Variants in TRPM1 observed in about 807,000 individuals in gnomAD.
The protein encoded by TRPM1 is transient receptor potential cation channel subfamily M member 1.
Under a neutral mutation model 149.4 loss-of-function variants are expected in TRPM1, and 113 were observed. That is an observed-to-expected ratio of 0.76 (90% CI 0.65 to 0.88). The LOEUF (loss-of-function observed/expected upper bound fraction) is 0.88. TRPM1 is among the 40% of genes least tolerant of loss of function. The pLI is 0.00. For synonymous variants in TRPM1, 741 were observed against 759.5 expected, an observed-to-expected ratio of 0.98 and a Z score of 0.40; for missense variants, 1,976 against 2,038.7, an observed-to-expected ratio of 0.97 and a Z score of 0.59.
At chr15:31,084,247 C>A (rs961024534) in intron 1 of TRPM1, among the ~76,000 whole-genome samples, 1 of 152,170 alleles carries the variant, frequency 6.6e-6, no homozygotes, top group African/African-American at 2.4e-5. Context: ...TTAAAGTCTG[C>A]AGTTCAGTGT....
At chr15:31,025,865 C>A (rs751349316) in intron 27 of TRPM1, among the ~76,000 whole-genome samples, 1 of 152,244 alleles carries the variant, frequency 6.6e-6, no homozygotes, top group Non-Finnish European at 1.5e-5. Flanking sequence ...TGCGGAAACA[C>A]CCCCACTTTG....
chr15:31,055,749 C>T (rs185492497), intron 11 of TRPM1, among the ~76,000 whole-genome samples: 7 of 152,300 alleles, frequency 4.6e-5, no homozygotes, highest in Non-Finnish European at 1.0e-4. Context: ...CCTGGGCAGT[C>T]CTCCCAGGGA....
chr15:31,107,814 T>C (rs2035628548), intron 1 of TRPM1, among the ~76,000 whole-genome samples: 1 of 152,056 alleles, frequency 6.6e-6, no homozygotes, highest in Non-Finnish European at 1.5e-5. Flanking sequence ...CTTAGAAGTA[T>C]GTAATTTAAT....
At chr15:31,121,772 C>A (rs1163105130) in intron 1 of TRPM1, among the ~76,000 whole-genome samples, 1 of 152,178 alleles carries the variant, frequency 6.6e-6, no homozygotes, top group Admixed American at 6.5e-5. Flanking sequence ...TCTCCACCAT[C>A]TTTTCCACAA....
Position 31,002,231 on chromosome 15 carries a change from G to T in TRPM1, c.4469C>A (p.Thr1490Lys). 6 of 1,614,192 alleles carry T rather than the reference G, an allele frequency of 3.7e-6. No individual in the cohort carries two copies. The Middle Eastern group carries it at 8.2e-4, about 222-fold the overall frequency. ...YSSITDQQLT[T>K]EWQCQVQKIT... is the part of the protein sequence containing the mutation. ...CTTTTGAACTTGGCATTGCCATTCC[G>T]TCGTCAATTGCTGGTCCGTGATTGA... The change falls in exon 28 of 28, where the codon ACG (threonine) becomes AAG (lysine). Residue 1490 changes from threonine to lysine, a missense_variant. Coordinates refer to ENST00000256552, the MANE Select transcript of TRPM1 (RefSeq NM_001252024.2).
intron 1 of TRPM1, among the ~76,000 whole-genome samples, chr15:31,131,801 C>T (rs2036019138): frequency 6.6e-6 from 1 of 152,136 alleles, no homozygotes; most frequent in South Asian, 2.1e-4. Flanking sequence ...GCTGTTTTCA[C>T]ACTTCCAGCA....
chr15:31,152,860 C>G (rs2036322039), intron 1 of TRPM1, among the ~76,000 whole-genome samples: 1 of 152,142 alleles, frequency 6.6e-6, no homozygotes, highest in Admixed American at 6.5e-5. Context: ...CCAGGCTGGT[C>G]TTGAACTCCT....
At chr15:31,126,273 A>G (rs1310917884) in intron 1 of TRPM1, among the ~76,000 whole-genome samples, 2 of 152,270 alleles carry the variant, frequency 1.3e-5, no homozygotes, top group Non-Finnish European at 2.9e-5. Flanking sequence ...TAACAAATTC[A>G]AGAAGGATAC....
At chr15:31,145,183 C>T (rs956979825) in intron 1 of TRPM1, among the ~76,000 whole-genome samples, 5 of 152,136 alleles carry the variant, frequency 3.3e-5, no homozygotes, top group Non-Finnish European at 7.4e-5. Flanking sequence ...CTCAAGGGAA[C>T]GTCTCATGCC....
chr15:31,059,759 T>G (rs2034174938), intron 11 of TRPM1, among the ~76,000 whole-genome samples: 1 of 152,188 alleles, frequency 6.6e-6, no homozygotes, highest in Non-Finnish European at 1.5e-5. Flanking sequence ...TCCTACTACC[T>G]TTCATAAGCA....
chr15:31,049,262 G>T (rs748979561), intron 13 of TRPM1, 113 bp downstream of exon 13: 35 of 1,504,368 alleles, frequency 2.3e-5, no homozygotes, highest in Non-Finnish European at 2.9e-5. Flanking sequence ...CATTAAGTAC[G>T]GACCTCCCAG....
At chr15:31,012,903 G>C (rs1206005357) in intron 27 of TRPM1, among the ~76,000 whole-genome samples, 1 of 151,112 alleles carries the variant, frequency 6.6e-6, no homozygotes, top group Admixed American at 6.6e-5. Context: ...GGCCTCTAGA[G>C]TGAATTTTTC....
intron 1 of TRPM1, among the ~76,000 whole-genome samples, chr15:31,097,822 A>G (rs1290160910): frequency 6.6e-6 from 1 of 152,190 alleles, no homozygotes; most frequent in Non-Finnish European, 1.5e-5. Context: ...AGATGTGGCC[A>G]GGGTGAATGG....
chr15:31,104,639 G>GCCGGA, upstream of TRPM1, among the ~76,000 whole-genome samples: 1 of 143,178 alleles, frequency 7.0e-6, no homozygotes, highest in African/African-American at 2.6e-5. Context: ...TGTTGCCCAG[G>GCCGGA]CTGGAGTGCA....
intron 27 of TRPM1, 101 bp from the exon 28 acceptor site, chr15:31,003,171 C>T (rs2031857995): frequency 1.4e-5 from 14 of 1,034,668 alleles, no homozygotes; most frequent in Non-Finnish European, 1.9e-5. Flanking sequence ...AATTTTAATA[C>T]ATATGGAACT....
chr15:31,039,823 A>G (rs1472314028), intron 18 of TRPM1, among the ~76,000 whole-genome samples: 1 of 151,910 alleles, frequency 6.6e-6, no homozygotes, highest in Non-Finnish European at 1.5e-5. Flanking sequence ...CCATTAGGAG[A>G]CTCTGACTGT....
chr15:31,113,724 T>C (rs2035751129), intron 1 of TRPM1, among the ~76,000 whole-genome samples: 1 of 152,176 alleles, frequency 6.6e-6, no homozygotes, highest in African/African-American at 2.4e-5. Flanking sequence ...GGATTTCTGG[T>C]CCCACCGCCT....
chr15:31,087,183 AAC>A (rs1482070064), intron 1 of TRPM1, among the ~76,000 whole-genome samples: 1 of 151,200 alleles, frequency 6.6e-6, no homozygotes, highest in Non-Finnish European at 1.5e-5. Flanking sequence ...TCGAAAATGA[AAC>A]ACAGGATTAT....
intron 23 of TRPM1, among the ~76,000 whole-genome samples, 159 bp from the exon 24 acceptor site, chr15:31,029,550 A>C (rs565158335): frequency 6.6e-6 from 1 of 152,352 alleles, no homozygotes; most frequent in East Asian, 1.9e-4. Flanking sequence ...CTTGGGAAAT[A>C]TTGATTCACA....
Sources: gnomAD v4.1 joint callset for allele counts (sites outside exome capture counted in the v4.1 genomes callset) on GRCh38, gnomAD v4.1.1 for gene constraint, MANE v1.5 for transcripts, NCBI Gene and HGNC (gene_info 2026-07-23, HGNC 2026-07-21) for gene names.